TM2D3: variants seen among roughly 807,000 people sequenced by gnomAD.
TM2D3 encodes TM2 domain containing 3.
TM2D3 carries 33 observed loss-of-function variants against 27.3 expected under a neutral mutation model. The ratio of observed to expected loss-of-function variants is 1.21; its 90% CI spans 0.92 to 1.61. The LOEUF (loss-of-function observed/expected upper bound fraction) is 1.61. TM2D3 is among the 40% of genes most tolerant of loss of function. The pLI is 0.00. For missense variants in TM2D3, 364 were observed against 320.8 expected, an observed-to-expected ratio of 1.13 and a Z score of -1.03; for synonymous variants, 138 against 122.2, an observed-to-expected ratio of 1.13 and a Z score of -0.85.
downstream of TM2D3, among the ~76,000 whole-genome samples, chr15:101,639,381 T>G (rs781662319): frequency 0.017 from 252 of 14,464 alleles, no homozygotes; most frequent in Non-Finnish European, 0.044. Context: ...TTCCTGGGTG[T>G]TTTTTTTTTT....
At chr15:101,643,599 T>TTAAAAA (rs1309191747) in intron 5 of TM2D3, among the ~76,000 whole-genome samples, 5 of 47,324 alleles carry the variant, frequency 1.1e-4, no homozygotes, top group Non-Finnish European at 1.6e-4. Flanking sequence ...GAGACTCCGT[T>TTAAAAA]AAAAAAAAAA....
In TM2D3 at chr15:101,642,366, A is replaced by G. The variant is rs1412292334; in HGVS notation, c.*113T>C. 13 of 1,361,372 alleles carry G rather than the reference A, an allele frequency of 9.5e-6. No individual in the cohort carries two copies. Among genetic ancestry groups the G allele is most frequent in the Non-Finnish European group, 1.2e-5 (13 of 1,051,972 alleles). 84.3% of individuals were successfully genotyped at this position (1,361,372 alleles called of 1,614,324 possible). A position where few individuals can be genotyped will look rare whatever the true frequency, so the allele number is the denominator to read the frequency against. ...ATCTTACCTTTATCAAGGCAAACAA[A>G]GTACAGATGCTGTACATTAAAAACA... On this transcript the variant is annotated 3_prime_UTR_variant, in exon 6 of 6. Coordinates refer to ENST00000333202, the MANE Select transcript of TM2D3 (RefSeq NM_078474.3).
Position 101,642,413 on chromosome 15 carries a change from A to AC in TM2D3, c.*65dup, listed in dbSNP as rs1896691026. 1 of 1,488,716 alleles carries AC rather than the reference A, an allele frequency of 6.7e-7. No individual in the cohort carries two copies. The highest frequency in any genetic ancestry group is 1.4e-5 in the African/African-American group (1 of 70,724). The allele number at this position is 1,488,716 out of a possible 1,614,324, so 92.2% of individuals were successfully genotyped here. On this transcript the variant is annotated 3_prime_UTR_variant, in exon 6 of 6. Coordinates refer to ENST00000333202, the MANE Select transcript of TM2D3 (RefSeq NM_078474.3). The stretch of plus-strand genomic sequence containing the variant: ...AACATAGAAATATATCACTCACACC[A>AC]CATCAACTCCTACGGACAAAAGGGC...
chr15:101,641,537 C>A (rs185993040), downstream of TM2D3, among the ~76,000 whole-genome samples: 29 of 152,260 alleles, frequency 1.9e-4, no homozygotes, highest in East Asian at 4.6e-3. Context: ...ATAATACACA[C>A]AAGTGTTTAA....
intron 4 of TM2D3, chr15:101,645,775 A>AT (rs745601768): frequency 2.7e-5 from 4 of 150,642 alleles, no homozygotes. Flanking sequence ...CAGTAATTAT[A>AT]TTTTTAAAGT....
chr15:101,642,599 C>G lies in TM2D3; in HGVS notation c.624G>C (p.Gln208His). The change falls in exon 6 of 6, where the codon CAG becomes CAC. Residue 208 changes from glutamine (Q) to histidine (H), a missense_variant. By Grantham distance (24) the Gln-to-His change is conservative (BLOSUM62 0). Transcript: ENST00000333202. ...GFGADRFYLG[Q>H]WREGLGKLFS... ...AGAGCTTGCCGAGGCCTTCCCGCCA[C>G]TGGCCCAGGTAGAAACGGTCTGCTC... 6.2e-7 allele frequency: 1 copy of G among 1,613,420 alleles called. No individual in the cohort carries two copies.
chr15:101,644,999 T>G, intron 5 of TM2D3, 88 bp downstream of exon 5: 2 of 1,138,432 alleles, frequency 1.8e-6, no homozygotes, highest in Middle Eastern at 1.9e-4. Context: ...GAGTGAAGAA[T>G]GAAGGGGACT....
At chr15:101,643,610 A>G (rs1387649255) in intron 5 of TM2D3, among the ~76,000 whole-genome samples, 1 of 131,846 alleles carries the variant, frequency 7.6e-6, no homozygotes, top group Non-Finnish European at 1.6e-5. Context: ...AAAAAAAAAA[A>G]AAAAAAAAAA....
intron 3 of TM2D3, among the ~76,000 whole-genome samples, chr15:101,649,780 C>T (rs1896920271): frequency 6.6e-6 from 1 of 152,188 alleles, no homozygotes; most frequent in Non-Finnish European, 1.5e-5. Flanking sequence ...TTCCAGCAGA[C>T]ATCAACTGGC....
At chr15:101,639,126 T>G (rs1896612628), downstream of TM2D3, among the ~76,000 whole-genome samples, 1 of 152,202 alleles carries the variant, frequency 6.6e-6, no homozygotes, top group South Asian at 2.1e-4. Flanking sequence ...TAAATCAAAT[T>G]TGCCTAGGTT....
At chr15:101,637,901 G>A (rs959493038), downstream of TM2D3, among the ~76,000 whole-genome samples, 5 of 152,088 alleles carry the variant, frequency 3.3e-5, no homozygotes, top group East Asian at 1.9e-4. Flanking sequence ...TTTTCTCTTC[G>A]AGCATTTTGC....
At chr15:101,642,963 C>CGGGGTCAGGGCT (rs1896706801) in intron 5 of TM2D3, among the ~76,000 whole-genome samples, 1 of 152,078 alleles carries the variant, frequency 6.6e-6, no homozygotes, top group African/African-American at 2.4e-5. Context: ...TGCACTAACA[C>CGGGGTCAGGGCT]GGGGTCAGGG....
rs708394 is a variant in TM2D3 at position 101,641,980 on chromosome 15, A to C, written c.*499T>G. ...TTTTCATATATACAGACCAGACTACATATGTATTACACTGCAAAACTTACA... is the reference window on the plus strand; with the variant it reads ...TTTTCATATATACAGACCAGACTACCTATGTATTACACTGCAAAACTTACA... On this transcript the variant is annotated 3_prime_UTR_variant, in exon 6 of 6. Coordinates refer to ENST00000333202, the MANE Select transcript of TM2D3 (RefSeq NM_078474.3). The C allele has an allele frequency of 1.0e-6, 1 of 985,550 alleles. No homozygotes were observed. Among genetic ancestry groups the C allele is most frequent in the Non-Finnish European group, 1.2e-6 (1 of 829,952 alleles). 61.1% of individuals were successfully genotyped at this position (985,550 alleles called of 1,614,324 possible). A position where few individuals can be genotyped will look rare whatever the true frequency, so the allele number is the denominator to read the frequency against.
rs781185063 is a variant in TM2D3, at chr15:101,646,868, A to G, written c.359T>C (p.Ile120Thr). 1.5e-5 allele frequency: 25 copies of G among 1,614,114 alleles called. No individual in the cohort carries two copies. Among genetic ancestry groups the G allele is most frequent in the Admixed American group, 1.7e-5 (1 of 60,010 alleles). The change falls in exon 4 of 6, where the codon ATC (isoleucine) becomes ACC (threonine). Residue 120 changes from isoleucine (I) to threonine (T), a missense_variant. Coordinates refer to ENST00000333202, the MANE Select transcript of TM2D3 (RefSeq NM_078474.3). ...DQDFKSQKNF[I>T]INMTCRFCWQ... ...GCAAAATCTGCAAGTCATGTTAATG[A>G]TGAAGTTCTTTTGGGATTTGAAGTC...
chr15:101,652,279 G>C lies in TM2D3; in HGVS notation c.83C>G (p.Ser28Trp). 1 of 1,604,816 alleles carries C rather than the reference G, an allele frequency of 6.2e-7. No individual in the cohort carries two copies. The highest frequency in any genetic ancestry group is 1.4e-5 in the African/African-American group (1 of 73,158). ...CCCAGCCTTTGACTCACCACCGCCC[G>C]ACAGAATGCAGAACTGCGAGAGGAA... Reference protein sequence around the residue: ...LLFLSQFCILSGGEQSQALAQ... With the variant: ...LLFLSQFCILWGGEQSQALAQ... The change falls in exon 1 of 6, where the codon TCG becomes TGG. Residue 28 changes from serine to tryptophan, a missense_variant. Coordinates refer to ENST00000333202, the MANE Select transcript of TM2D3 (RefSeq NM_078474.3).
intron 4 of TM2D3, chr15:101,635,281 T>C (rs1245848527): frequency 1.3e-5 from 2 of 152,200 alleles, no homozygotes; most frequent in Non-Finnish European, 2.9e-5. Context: ...ATTTATAGCA[T>C]TACTTATAAT....
intron 2 of TM2D3, 99 bp downstream of exon 2, chr15:101,651,597 G>T: frequency 8.4e-7 from 1 of 1,184,972 alleles, no homozygotes. Flanking sequence ...ATTCAAAAAT[G>T]GAAAGTGACT....
At chr15:101,651,027 T>C (rs184320991) in intron 2 of TM2D3, 2 of 152,582 alleles carry the variant, frequency 1.3e-5, no homozygotes, top group South Asian at 2.1e-4. Flanking sequence ...GATGAAATTA[T>C]AGTCAGAGCC....
intron 5 of TM2D3, among the ~76,000 whole-genome samples, chr15:101,643,490 T>C (rs1896720396): frequency 6.6e-6 from 1 of 151,180 alleles, no homozygotes; most frequent in Admixed American, 6.6e-5. Flanking sequence ...TAGTCCCAGC[T>C]GCTCGGGAGG....
Sources: allele counts gnomAD v4.1 joint callset (sites outside exome capture counted in the v4.1 genomes callset), GRCh38; gene constraint gnomAD v4.1.1; transcripts MANE v1.5; gene names NCBI Gene and HGNC (gene_info 2026-07-23, HGNC 2026-07-21).